ANKS1B: variants seen among roughly 807,000 people sequenced by gnomAD.
ANKS1B encodes ankyrin repeat and sterile alpha motif domain containing 1B, also known as ankyrin repeat and sterile alpha motif domain-containing protein 1B.
ANKS1B carries 36 observed loss-of-function variants against 148.3 expected under a neutral mutation model. The ratio of observed to expected loss-of-function variants is 0.24; its 90% CI spans 0.19 to 0.32. The LOEUF (loss-of-function observed/expected upper bound fraction) is 0.32, where lower values mean the gene tolerates loss of function less well. ANKS1B is among the 10% of genes least tolerant of loss of function. The pLI, the probability that ANKS1B is intolerant of heterozygous loss-of-function variation, is 1.00. For synonymous variants in ANKS1B, 542 were observed against 560.8 expected (o/e 0.97, Z 0.47); for missense variants, 1,157 against 1,542.6 (o/e 0.75, Z 4.19).
Position 99,276,409 on chromosome 12 carries a change from G to A in ANKS1B, c.1757-29545C>T, listed in dbSNP as rs2077674169. ...AAAGTAAAATGATGCTGTTATGATG[G>A]GCCCCAATTCAGTATTACTGATGTC... On this transcript the variant is annotated intron_variant, in intron 12 of 26. Coordinates refer to ENST00000683438, the MANE Select transcript of ANKS1B (RefSeq NM_001352186.2). Among the ~76,000 whole-genome samples, 5 of 152,206 alleles carry A rather than the reference G, an allele frequency of 3.3e-5. No homozygotes were observed. In the South Asian group the frequency reaches 6.2e-4, roughly 19 times the overall value.
At chr12:99,443,341 C>G (rs1200467251) in intron 11 of ANKS1B, among the ~76,000 whole-genome samples, 5 of 151,894 alleles carry the variant, frequency 3.3e-5, no homozygotes, top group Non-Finnish European at 7.4e-5. Flanking sequence ...ACAAAAGGAT[C>G]AGGAAACACC....
intron 9 of ANKS1B, among the ~76,000 whole-genome samples, chr12:99,618,005 T>A (rs2097992529): frequency 6.6e-6 from 1 of 152,138 alleles, no homozygotes; most frequent in Admixed American, 6.5e-5. Context: ...TCCAATACAA[T>A]TTAGCTCCTA....
chr12:99,650,280 T>TAC (rs768453456), intron 9 of ANKS1B, among the ~76,000 whole-genome samples: 4 of 89,470 alleles, frequency 4.5e-5, no homozygotes, highest in East Asian at 4.3e-4. Context: ...AACCCAGGAA[T>TAC]ACACACACAC....
intron 12 of ANKS1B, among the ~76,000 whole-genome samples, chr12:99,252,798 T>A (rs1366342917): frequency 6.6e-6 from 1 of 152,176 alleles, no homozygotes; most frequent in East Asian, 1.9e-4. Flanking sequence ...CTTGAGAATA[T>A]CAGAAATCTC....
In ANKS1B at chr12:99,822,490, T is replaced by C. The variant is rs78231062; in HGVS notation, c.215+2819A>G. Among the ~76,000 whole-genome samples, 953 of 152,326 alleles carry C rather than the reference T, an allele frequency of 6.3e-3. 9 individuals are homozygous for C. The highest frequency in any genetic ancestry group is 0.022 in the African/African-American group (898 of 41,584). The stretch of plus-strand genomic sequence containing the variant: ...CCAGTTTCTATCATTGCCATCTTTA[T>C]GTCCACAAGTAGCCAGTATTAAGTT... On this transcript the variant is annotated intron_variant, in intron 2 of 26. Coordinates refer to ENST00000683438, the MANE Select transcript of ANKS1B (RefSeq NM_001352186.2).
At chr12:99,334,710 T>C (rs568500725) in intron 12 of ANKS1B, among the ~76,000 whole-genome samples, 1 of 152,184 alleles carries the variant, frequency 6.6e-6, no homozygotes, top group African/African-American at 2.4e-5. Context: ...TACATTTTTT[T>C]CCATTCTCCT....
chr12:99,256,702 T>C (rs1377230184), intron 12 of ANKS1B, among the ~76,000 whole-genome samples: 1 of 152,212 alleles, frequency 6.6e-6, no homozygotes, highest in Non-Finnish European at 1.5e-5. Context: ...GGCTTTCATC[T>C]TTCCTTGTTA....
chr12:99,425,901 T>C (rs1195176024), intron 11 of ANKS1B, among the ~76,000 whole-genome samples: 1 of 148,776 alleles, frequency 6.7e-6, no homozygotes, highest in Non-Finnish European at 1.5e-5. Flanking sequence ...GCAAGGCAAC[T>C]TAATTTCTAT....
At chr12:99,122,923 A>T (rs948362097) in intron 15 of ANKS1B, among the ~76,000 whole-genome samples, 3 of 151,242 alleles carry the variant, frequency 2.0e-5, no homozygotes, top group African/African-American at 4.9e-5. Flanking sequence ...TCATTTAAAA[A>T]TATTTATTGA....
At chr12:99,872,584 G>A (rs1038359302) in intron 1 of ANKS1B, among the ~76,000 whole-genome samples, 3 of 152,066 alleles carry the variant, frequency 2.0e-5, no homozygotes, top group Non-Finnish European at 4.4e-5. Flanking sequence ...TGATGTTTCA[G>A]TTTATCTATA....
intron 12 of ANKS1B, among the ~76,000 whole-genome samples, chr12:99,287,706 T>C (rs546557241): frequency 3.7e-4 from 57 of 152,262 alleles, no homozygotes; most frequent in East Asian, 1.4e-3. Flanking sequence ...TTAACAAAGA[T>C]ATTGAAATAA....
chr12:99,216,849 C>T (rs935234392), intron 14 of ANKS1B, among the ~76,000 whole-genome samples: 9 of 152,208 alleles, frequency 5.9e-5, no homozygotes, highest in East Asian at 1.9e-4. Context: ...TGCAGCTTGG[C>T]GTGGCCGTGT....
At chr12:99,969,678 A>G (rs1199326145) in intron 1 of ANKS1B, among the ~76,000 whole-genome samples, 1 of 152,220 alleles carries the variant, frequency 6.6e-6, no homozygotes, top group Non-Finnish European at 1.5e-5. Flanking sequence ...GAAATATATT[A>G]CTATATAATT....
At chr12:99,655,022 C>T (rs1246117696) in intron 9 of ANKS1B, 45 bp downstream of exon 9, 8 of 1,525,708 alleles carry the variant, frequency 5.2e-6, no homozygotes, top group Non-Finnish European at 7.1e-6. Flanking sequence ...AAAACATAGG[C>T]AACCATTTTT....
At chr12:99,497,506 T>C (rs2096615484) in intron 10 of ANKS1B, among the ~76,000 whole-genome samples, 2 of 152,168 alleles carry the variant, frequency 1.3e-5, no homozygotes, top group Non-Finnish European at 2.9e-5. Context: ...GGGAAGGATC[T>C]GTCCCAGGCC....
chr12:99,024,634 A>T (rs2099947699), intron 17 of ANKS1B, among the ~76,000 whole-genome samples: 2 of 152,152 alleles, frequency 1.3e-5, no homozygotes, highest in African/African-American at 4.8e-5. Flanking sequence ...TGTATTTTAT[A>T]TGTTTTAAAT....
intron 2 of ANKS1B, among the ~76,000 whole-genome samples, chr12:99,813,269 T>C (rs2068657374): frequency 1.3e-5 from 2 of 151,634 alleles, no homozygotes; most frequent in Non-Finnish European, 3.0e-5. Flanking sequence ...TCAAAATATA[T>C]GTCAACAATC....
intron 14 of ANKS1B, among the ~76,000 whole-genome samples, chr12:99,202,871 C>T (rs2082228457): frequency 6.6e-6 from 1 of 152,180 alleles, no homozygotes; most frequent in South Asian, 2.1e-4. Context: ...CTGTATTTGT[C>T]TTTATTCCTG....
At chr12:98,889,149 G>C (rs887728644) in intron 17 of ANKS1B, among the ~76,000 whole-genome samples, 4 of 152,048 alleles carry the variant, frequency 2.6e-5, no homozygotes, top group African/African-American at 7.2e-5. Context: ...AAAGTCTACT[G>C]GACCCATAAT....
Sources: allele counts gnomAD v4.1 joint callset (sites outside exome capture counted in the v4.1 genomes callset), GRCh38; gene constraint gnomAD v4.1.1; transcripts MANE v1.5; gene names NCBI Gene and HGNC (gene_info 2026-07-23, HGNC 2026-07-21).